The following RSU1 variants were observed in gnomAD, a reference collection of about 807,000 sequenced individuals.
RSU1 encodes the protein rsu-1.
Under a neutral mutation model 31.1 loss-of-function variants are expected in RSU1, and 26 were observed. That is an observed-to-expected ratio of 0.84 (90% confidence interval 0.61 to 1.16). RSU1 has a LOEUF of 1.16. Among genes scored for constraint, RSU1 ranks in the 50% most tolerant of loss-of-function variants. The probability of loss-of-function intolerance (pLI) is 0.00; values close to 1 mark genes in which losing one functional copy is unlikely to be tolerated. For synonymous variants in RSU1, 164 were observed against 136.3 expected, an observed-to-expected ratio of 1.20 and a Z score of -1.41; for missense variants, 320 against 339.1, an observed-to-expected ratio of 0.94 and a Z score of 0.44.
chr10:16,767,569 A>G (rs1837339079), intron 3 of RSU1, among the ~76,000 whole-genome samples: 1 of 152,208 alleles, frequency 6.6e-6, no homozygotes, highest in Admixed American at 6.5e-5. Flanking sequence ...AAAAAAAATA[A>G]TACACAGCTA....
chr10:16,651,610 T>C (rs1834685010), intron 8 of RSU1, among the ~76,000 whole-genome samples: 1 of 152,216 alleles, frequency 6.6e-6, no homozygotes, highest in Non-Finnish European at 1.5e-5. Flanking sequence ...GGTGTAAATA[T>C]ACAAGGCAAG....
intron 3 of RSU1, among the ~76,000 whole-genome samples, chr10:16,772,195 A>T (rs1837436127): frequency 6.6e-6 from 1 of 152,264 alleles, no homozygotes; most frequent in Non-Finnish European, 1.5e-5. Flanking sequence ...TAAGCAAGTG[A>T]TAAGGTCGAT....
In RSU1 at chr10:16,817,411, A is replaced by G. The variant is rs1285611959; in HGVS notation, c.-100T>C. 2.2e-5 allele frequency: 6 copies of G among 275,876 alleles called. No individual in the cohort carries two copies. The highest frequency in any genetic ancestry group is 4.2e-5 in the Non-Finnish European group (6 of 142,168). The allele number at this position is 275,876 out of a possible 1,614,324, so 17.1% of individuals were successfully genotyped here. A position where few individuals can be genotyped will look rare whatever the true frequency, so the allele number is the denominator to read the frequency against. ...ACTCCCTGCAACACCGGCACTGAAC[A>G]GCGAACACGCCCTGTCTCGGCGCCC... On this transcript the variant is annotated 5_prime_UTR_variant, in exon 1 of 9. Transcript: ENST00000345264.
In RSU1 at chr10:16,765,592, G is replaced by C. The variant is rs77033199; in HGVS notation, c.161-1082C>G. 1.8e-3 allele frequency among the ~76,000 whole-genome samples: 270 copies of C among 152,322 alleles called. 8 individuals carry two copies. In the East Asian group the frequency reaches 0.038, roughly 22 times the overall value. ...AAGCACAAACTGTAAATTGGCAGCA[G>C]CAGGAGTTTCCATAGACTGTAATTC... On this transcript the variant is annotated intron_variant, in intron 3 of 8. Transcript: ENST00000345264.
At chr10:16,593,518 A>G (rs1833550580) in intron 8 of RSU1, 22 bp from the exon 9 acceptor site, 1 of 1,576,540 alleles carries the variant, frequency 6.3e-7, no homozygotes. Flanking sequence ...GAGAAAGGAC[A>G]CTATCAGATC....
chr10:16,761,335 C>T (rs1485443829), intron 4 of RSU1, among the ~76,000 whole-genome samples: 1 of 152,138 alleles, frequency 6.6e-6, no homozygotes, highest in African/African-American at 2.4e-5. Flanking sequence ...TTGGTTTCTC[C>T]AACTGTAATG....
At chr10:16,644,062 A>C (rs1442747703) in intron 8 of RSU1, among the ~76,000 whole-genome samples, 1 of 151,816 alleles carries the variant, frequency 6.6e-6, no homozygotes, top group East Asian at 1.9e-4. Flanking sequence ...TCAGGGACTT[A>C]AGCATCTGCA....
intron 7 of RSU1, among the ~76,000 whole-genome samples, chr10:16,707,359 G>C (rs1025490564): frequency 2.6e-5 from 4 of 152,036 alleles, no homozygotes; most frequent in Non-Finnish European, 5.9e-5. Context: ...CCAACAATGT[G>C]TTTCCCTTTC....
Position 16,815,585 on chromosome 10 carries a change from T to C in RSU1, c.109+1388A>G, listed in dbSNP as rs1838511546. On this transcript the variant is annotated intron_variant, in intron 2 of 8. Transcript: ENST00000345264. Reference sequence around the variant, plus strand: ...CTCAACTATTTTTGAGCATCTACTGTGCTCCAGGCACTATTATTAAAAAAA... The same window carrying C: ...CTCAACTATTTTTGAGCATCTACTGCGCTCCAGGCACTATTATTAAAAAAA... 3.9e-5 allele frequency among the ~76,000 whole-genome samples: 6 copies of C among 152,196 alleles called. No homozygotes were observed. The South Asian group carries it at 1.2e-3, about 31-fold the overall frequency.
intron 8 of RSU1, among the ~76,000 whole-genome samples, chr10:16,598,304 C>T (rs1193448816): frequency 6.6e-6 from 1 of 151,974 alleles, no homozygotes; most frequent in African/African-American, 2.4e-5. Context: ...TTCAGGAGGC[C>T]AAGGCGGGAG....
chr10:16,808,683 C>G (rs1838333489), intron 2 of RSU1, among the ~76,000 whole-genome samples: 1 of 152,082 alleles, frequency 6.6e-6, no homozygotes, highest in African/African-American at 2.4e-5. Context: ...CATTTGAGAA[C>G]CTCTAATCTA....
rs45505696 is a variant in RSU1 at position 16,695,169 on chromosome 10, A to C, written c.599-14T>G. On this transcript the variant is annotated splice_polypyrimidine_tract_variant and intron_variant, in intron 7 of 8. Transcript: ENST00000345264. ...AATCCAAGTTTCCTGGGGGGGGGGA[A>C]AAAAAAAGTGAAGGTCACTTCATCC... 3.1e-3 allele frequency: 3,827 copies of C among 1,220,764 alleles called. 169 individuals are homozygous for C. The African/African-American group carries it at 0.055, about 18-fold the overall frequency. 75.6% of individuals were successfully genotyped at this position (1,220,764 alleles called of 1,614,324 possible).
chr10:16,771,961 T>C (rs768667876), intron 3 of RSU1, among the ~76,000 whole-genome samples: 7 of 152,236 alleles, frequency 4.6e-5, no homozygotes, highest in South Asian at 4.1e-4. Flanking sequence ...TAAATAACAA[T>C]GGTAATGTAC....
At chr10:16,661,688 G>C (rs74125813) in intron 8 of RSU1, among the ~76,000 whole-genome samples, 1 of 152,174 alleles carries the variant, frequency 6.6e-6, no homozygotes, top group East Asian at 1.9e-4. Context: ...CTTTCTCTGA[G>C]GGGGTAGCCC....
chr10:16,759,329 G>A (rs751206952), intron 4 of RSU1, among the ~76,000 whole-genome samples: 5 of 151,086 alleles, frequency 3.3e-5, no homozygotes, highest in Non-Finnish European at 7.4e-5. Flanking sequence ...GCAAAAACCC[G>A]TCTATACCAA....
chr10:16,658,544 T>C (rs2131524314), intron 8 of RSU1, among the ~76,000 whole-genome samples: 1 of 152,128 alleles, frequency 6.6e-6, no homozygotes, highest in South Asian at 2.1e-4. Context: ...GATAACATGG[T>C]GAAACCCCGT....
At chr10:16,604,230 T>C (rs1215445232) in intron 8 of RSU1, among the ~76,000 whole-genome samples, 1 of 152,042 alleles carries the variant, frequency 6.6e-6, no homozygotes, top group South Asian at 2.1e-4. Flanking sequence ...CAACACAGAA[T>C]AGATCGAAGC....
intron 7 of RSU1, among the ~76,000 whole-genome samples, chr10:16,703,836 G>C (rs954332894): frequency 6.6e-6 from 1 of 152,184 alleles, no homozygotes; most frequent in African/African-American, 2.4e-5. Context: ...AGAATTTAAA[G>C]TGGTTATTTT....
chr10:16,789,533 G>C (rs370917274), intron 2 of RSU1, among the ~76,000 whole-genome samples: 225 of 152,268 alleles, frequency 1.5e-3, no homozygotes, highest in African/African-American at 5.2e-3. Context: ...ACTCGGGAAT[G>C]GTGAGTTCAC....
Sources: gnomAD v4.1 joint callset for allele counts (sites outside exome capture counted in the v4.1 genomes callset) on GRCh38, gnomAD v4.1.1 for gene constraint, MANE v1.5 for transcripts, NCBI Gene and HGNC (gene_info 2026-07-23, HGNC 2026-07-21) for gene names.